STX16: variants seen among roughly 807,000 people sequenced by gnomAD.
STX16 encodes syntaxin-16.
STX16 carries 28 observed loss-of-function variants against 42.7 expected under a neutral mutation model. The observed-to-expected ratio is 0.66, with a 90% CI of 0.49 to 0.90. The LOEUF (loss-of-function observed/expected upper bound fraction) is 0.90. STX16 is among the 40% of genes least tolerant of loss of function. The pLI, the probability that STX16 is intolerant of heterozygous loss-of-function variation, is 0.00. For synonymous variants in STX16, 156 were observed against 155.2 expected, an observed-to-expected ratio of 1.00 and a Z score of -0.04; for missense variants, 361 against 420.9, an observed-to-expected ratio of 0.86 and a Z score of 1.24.
intron 2 of STX16, among the ~76,000 whole-genome samples, chr20:58,662,507 T>C (rs2083723552): frequency 6.6e-6 from 1 of 152,178 alleles, no homozygotes. Context: ...ATATTTTTTG[T>C]ATCATTTATT....
chr20:58,668,804 T>G (rs2083899771), intron 4 of STX16, among the ~76,000 whole-genome samples: 1 of 152,106 alleles, frequency 6.6e-6, no homozygotes, highest in Non-Finnish European at 1.5e-5. Flanking sequence ...AATAATAATA[T>G]GATATATGAT....
chr20:58,676,126 G>A, intron 8 of STX16, 61 bp from the exon 9 acceptor site: 2 of 1,415,010 alleles, frequency 1.4e-6, no homozygotes, highest in African/African-American at 1.4e-5. Context: ...CTGGAAACGA[G>A]TGGGACTTGA....
chr20:58,667,959 G>A (rs755700870), intron 3 of STX16, 28 bp from the exon 4 acceptor site: 14 of 1,613,906 alleles, frequency 8.7e-6, no homozygotes, highest in Non-Finnish European at 1.1e-5. Context: ...CCTGGCATCA[G>A]TGGAGTTCTG....
At chr20:58,654,722 G>A (rs1040669570) in intron 1 of STX16, among the ~76,000 whole-genome samples, 3 of 152,138 alleles carry the variant, frequency 2.0e-5, no homozygotes, top group African/African-American at 4.8e-5. Context: ...ATATGGACTA[G>A]GTATTAGGTG....
intron 1 of STX16, among the ~76,000 whole-genome samples, chr20:58,653,409 G>A (rs959637479): frequency 6.6e-6 from 1 of 152,280 alleles, no homozygotes; most frequent in East Asian, 1.9e-4. Flanking sequence ...ATTTTAAGCC[G>A]TGTGAGCGGT....
rs549075129 is a variant in STX16, at chr20:58,652,378, C to A, written c.132+240C>A. On this transcript the variant is annotated intron_variant, in intron 1 of 8. Transcript: ENST00000371141. ...TCTCCTCACTTCCGCAGCACCCCCC[C>A]CCCCGCACCCCCCGCCTTGGCGTCA... 70 of 587,736 alleles carry A rather than the reference C, an allele frequency of 1.2e-4. 2 individuals carry two copies. The highest frequency in any genetic ancestry group is 6.6e-4 in the African/African-American group (35 of 53,052). The allele number at this position is 587,736 out of a possible 1,614,324, so 36.4% of individuals were successfully genotyped here.
At chr20:58,662,102 G>T (rs994444406) in intron 2 of STX16, among the ~76,000 whole-genome samples, 4 of 152,192 alleles carry the variant, frequency 2.6e-5, no homozygotes, top group Non-Finnish European at 4.4e-5. Flanking sequence ...CCTCTCCTTT[G>T]TTCTCTGTCT....
At chr20:58,661,517 C>T (rs1158953491) in intron 2 of STX16, among the ~76,000 whole-genome samples, 5 of 152,384 alleles carry the variant, frequency 3.3e-5, no homozygotes, top group South Asian at 4.1e-4. Context: ...TGGGTGCCCA[C>T]GGCCACCTCA....
chr20:58,670,416 C>A, intron 5 of STX16, 96 bp from the exon 6 acceptor site: 1 of 938,632 alleles, frequency 1.1e-6, no homozygotes, highest in Non-Finnish European at 1.7e-6. Context: ...TCAATTTTGA[C>A]TGTTGGAGTT....
chr20:58,672,154 G>A (rs950285185), intron 7 of STX16, among the ~76,000 whole-genome samples: 6 of 152,066 alleles, frequency 3.9e-5, no homozygotes, highest in Non-Finnish European at 7.4e-5. Context: ...TCAACATGGT[G>A]AAACCCCGTC....
chr20:58,664,299 A>G (rs78197902), intron 2 of STX16, among the ~76,000 whole-genome samples: 3 of 152,208 alleles, frequency 2.0e-5, no homozygotes, highest in African/African-American at 4.8e-5. Context: ...TTAATAGTAC[A>G]TACTGTGATA....
At chr20:58,676,059 C>T in intron 8 of STX16, 128 bp from the exon 9 acceptor site, 7 of 718,142 alleles carry the variant, frequency 9.7e-6, no homozygotes, top group African/African-American at 1.8e-5. Context: ...GGATTACAAT[C>T]ATGTAGCCTG....
In STX16 at chr20:58,667,296, T is replaced by A. The variant is rs376813276; in HGVS notation, c.145-194T>A. ...AAAACAATCCAAATCCTAGCAGTTA[T>A]CAAAAGCAAGTTTATAATACAGGCA... On this transcript the variant is annotated intron_variant, in intron 2 of 8. Coordinates refer to ENST00000371141, the MANE Select transcript of STX16 (RefSeq NM_001001433.3). 5.9e-6 allele frequency: 4 copies of A among 678,850 alleles called. No individual in the cohort carries two copies. In the East Asian group the frequency reaches 1.1e-4, roughly 19 times the overall value. 42.1% of individuals were successfully genotyped at this position (678,850 alleles called of 1,614,324 possible).
intron 2 of STX16, among the ~76,000 whole-genome samples, chr20:58,666,423 GTTTTTTTTTT>G (rs5842238): frequency 2.5e-5 from 2 of 79,730 alleles, no homozygotes; most frequent in Non-Finnish European, 4.9e-5. Context: ...GTGTGTGTGT[GTTTTTTTTTT>G]TTTTTTTTTT....
At chr20:58,655,912 AACAG>A (rs1259953650) in intron 1 of STX16, among the ~76,000 whole-genome samples, 1 of 152,224 alleles carries the variant, frequency 6.6e-6, no homozygotes, top group Non-Finnish European at 1.5e-5. Context: ...ATTGTAAAAA[AACAG>A]ACAGGTTTGA....
At chr20:58,672,533 C>T (rs2084005601) in intron 7 of STX16, among the ~76,000 whole-genome samples, 2 of 152,002 alleles carry the variant, frequency 1.3e-5, no homozygotes, top group Admixed American at 1.3e-4. Context: ...CACTTCTAGT[C>T]TCAAGCTTTT....
Position 58,671,156 on chromosome 20 carries a change from T to A in STX16, c.651T>A (p.Gly217=). The A allele has an allele frequency of 1.2e-6, 2 of 1,613,176 alleles. No individual in the cohort carries two copies. Among genetic ancestry groups the A allele is most frequent in the Non-Finnish European group, 1.7e-6 (2 of 1,179,584 alleles). ...CACATTGTGCACTGTCTTGCTAGGG[T>A]TTTACAGAGGACCAGTTAGTTCTGG... ...DGDDNTLYHR[G]FTEDQLVLVE... is the part of the protein sequence containing the mutation. Residue 217 remains glycine (G), a splice_region_variant and synonymous_variant, in exon 7 of 9, where the codon GGT becomes GGA. Coordinates refer to ENST00000371141, the MANE Select transcript of STX16 (RefSeq NM_001001433.3).
In STX16 at chr20:58,676,954, A is replaced by G. The variant is rs1480186144; in HGVS notation, c.*663A>G. ...TAGATGGGCCAGTTAAAACAGCTTC[A>G]TAAGTTTTAAATTAATTGTAAATGG... On this transcript the variant is annotated 3_prime_UTR_variant, in exon 9 of 9. Coordinates refer to ENST00000371141, the MANE Select transcript of STX16 (RefSeq NM_001001433.3). 2 of 152,706 alleles carry G rather than the reference A, an allele frequency of 1.3e-5. No individual in the cohort carries two copies. The highest frequency in any genetic ancestry group is 2.1e-4 in the South Asian group (1 of 4,832). The allele number at this position is 152,706 out of a possible 1,614,324, so 9.5% of individuals were successfully genotyped here. A position where few individuals can be genotyped will look rare whatever the true frequency, so the allele number is the denominator to read the frequency against.
Position 58,651,964 on chromosome 20 carries a change from G to C in STX16, c.-43G>C, listed in dbSNP as rs2083466171. 1 of 1,606,746 alleles carries C rather than the reference G, an allele frequency of 6.2e-7. No homozygotes were observed. On this transcript the variant is annotated 5_prime_UTR_variant, in exon 1 of 9. Coordinates refer to ENST00000371141, the MANE Select transcript of STX16 (RefSeq NM_001001433.3). ...GAAAGTGAATAAATCAGGAATATAAGTGGGCGGGGGGCCCCTGAGAGGGGG... is the reference window on the plus strand; with the variant it reads ...GAAAGTGAATAAATCAGGAATATAACTGGGCGGGGGGCCCCTGAGAGGGGG...
Sources: gnomAD v4.1 joint callset for allele counts (sites outside exome capture counted in the v4.1 genomes callset) on GRCh38, gnomAD v4.1.1 for gene constraint, MANE v1.5 for transcripts, NCBI Gene and HGNC (gene_info 2026-07-23, HGNC 2026-07-21) for gene names.